FAM120A: variants seen among roughly 807,000 people sequenced by gnomAD.
FAM120A encodes the protein family with sequence similarity 120 member A.
A neutral mutation model predicts 109.7 loss-of-function variants in FAM120A; 15 were observed. That is an observed-to-expected ratio of 0.14 (90% CI 0.09 to 0.21). The LOEUF (loss-of-function observed/expected upper bound fraction) is 0.21. Among genes scored for constraint, FAM120A ranks in the 10% least tolerant of loss-of-function variants. The probability of loss-of-function intolerance (pLI) is 1.00; values close to 1 mark genes in which losing one functional copy is unlikely to be tolerated. For missense variants in FAM120A, 899 were observed against 1,439.3 expected, an observed-to-expected ratio of 0.62 and a Z score of 6.07; for synonymous variants, 493 against 572.8, an observed-to-expected ratio of 0.86 and a Z score of 1.99.
chr9:93,529,408 G>A lies in FAM120A; in HGVS notation c.1562G>A (p.Ser521Asn). 1 of 1,613,790 alleles carries A rather than the reference G, an allele frequency of 6.2e-7. No homozygotes were observed. The highest frequency in any genetic ancestry group is 8.5e-7 in the Non-Finnish European group (1 of 1,179,812). ...AGCCAACTAGCCGAAGGCAAGGGAA[G>A]CCAGATGGGCACTGTCCAGCCAATC... ...SGSQLAEGKGSQMGTVQPIPC... is the reference protein window; with the variant it reads ...SGSQLAEGKGNQMGTVQPIPC... The change falls in exon 9 of 18, where the codon AGC becomes AAC. Residue 521 changes from serine to asparagine, a missense_variant. This residue lies in a region of FAM120A where 57 missense variants were observed against 52.9 expected (regional missense o/e 1.08). Transcript: ENST00000277165.
At chr9:93,489,533 C>G (rs1859219575) in intron 3 of FAM120A, among the ~76,000 whole-genome samples, 1 of 152,224 alleles carries the variant, frequency 6.6e-6, no homozygotes, top group Non-Finnish European at 1.5e-5. Context: ...GTCCTAGGCT[C>G]TAGGCCTGTA....
At chr9:93,558,816 T>C in intron 15 of FAM120A, 98 bp downstream of exon 15, 1 of 1,390,404 alleles carries the variant, frequency 7.2e-7, no homozygotes, top group Non-Finnish European at 9.8e-7. Flanking sequence ...CATGAGCCCC[T>C]CCTCCAGCAG....
At chr9:93,502,463 G>C (rs1743301487) in intron 5 of FAM120A, among the ~76,000 whole-genome samples, 1 of 151,978 alleles carries the variant, frequency 6.6e-6, no homozygotes, top group African/African-American at 2.4e-5. Context: ...CTCATCCTCT[G>C]TGCCTTTCTT....
chr9:93,503,876 AT>A (rs1859913216), intron 5 of FAM120A, among the ~76,000 whole-genome samples: 1 of 152,062 alleles, frequency 6.6e-6, no homozygotes, highest in East Asian at 1.9e-4. Flanking sequence ...GAGCTCGTTG[AT>A]TTGTGCATTT....
chr9:93,514,440 T>TA (rs1205925612), intron 5 of FAM120A, among the ~76,000 whole-genome samples: 1 of 152,256 alleles, frequency 6.6e-6, no homozygotes, highest in Non-Finnish European at 1.5e-5. Context: ...GCTCTGGGCT[T>TA]GGTTTTCTTC....
chr9:93,529,634 C>A, intron 9 of FAM120A, 54 bp downstream of exon 9: 1 of 1,491,320 alleles, frequency 6.7e-7, no homozygotes, highest in Non-Finnish European at 9.3e-7. Context: ...GTGGCCATTC[C>A]TATGGGTGTT....
chr9:93,546,904 G>A (rs1040829041), intron 11 of FAM120A, among the ~76,000 whole-genome samples: 2 of 152,228 alleles, frequency 1.3e-5, no homozygotes, highest in Non-Finnish European at 2.9e-5. Context: ...CACAGAAGGG[G>A]TATGGTGGTC....
chr9:93,563,254 G>A (rs1329254273), intron 17 of FAM120A, among the ~76,000 whole-genome samples: 1 of 152,204 alleles, frequency 6.6e-6, no homozygotes, highest in Admixed American at 6.5e-5. Context: ...CATCTTTGTT[G>A]GGAAGGGAAT....
chr9:93,458,992 T>C (rs1311354481), intron 1 of FAM120A, among the ~76,000 whole-genome samples: 1 of 152,238 alleles, frequency 6.6e-6, no homozygotes, highest in South Asian at 2.1e-4. Flanking sequence ...TGGTCACTAT[T>C]TCCCCAAGAA....
intron 1 of FAM120A, among the ~76,000 whole-genome samples, chr9:93,461,588 AAAT>A (rs762567804): frequency 7.2e-4 from 109 of 152,212 alleles, no homozygotes; most frequent in Non-Finnish European, 1.0e-3. Context: ...TTCTGAATAC[AAAT>A]AATGTGTGTG....
intron 3 of FAM120A, among the ~76,000 whole-genome samples, chr9:93,489,006 G>GT (rs1053491774): frequency 9.3e-6 from 1 of 107,842 alleles, no homozygotes; most frequent in Non-Finnish European, 2.1e-5. Context: ...CCATGTATCT[G>GT]TTAAAAAAAA....
chr9:93,524,734 C>A (rs1434329882), intron 7 of FAM120A, among the ~76,000 whole-genome samples: 1 of 152,170 alleles, frequency 6.6e-6, no homozygotes, highest in Non-Finnish European at 1.5e-5. Context: ...GGGTAGATTC[C>A]TTCTCTCTGA....
chr9:93,532,537 A>G lies in FAM120A; in HGVS notation c.1909+208A>G, dbSNP rs796793034. ...GACTTTCTTCCTCAGTAACATTCCA[A>G]TAATGATGTTTATTCAGTAAAATAA... is the stretch of plus-strand genomic sequence containing the variant. On this transcript the variant is annotated intron_variant, in intron 10 of 17. Coordinates refer to ENST00000277165, the MANE Select transcript of FAM120A (RefSeq NM_014612.5). The surrounding 1 kb of genome is among the most constrained non-coding windows in gnomAD (Gnocchi z 4.3). 4.0e-5 allele frequency: 23 copies of G among 578,872 alleles called. No homozygotes were observed. The East Asian group carries it at 4.9e-4, about 12-fold the overall frequency. The allele number at this position is 578,872 out of a possible 1,614,324, so 35.9% of individuals were successfully genotyped here. A position where few individuals can be genotyped will look rare whatever the true frequency, so the allele number is the denominator to read the frequency against.
chr9:93,558,869 A>G (rs2131566852), intron 15 of FAM120A, 151 bp downstream of exon 15: 1 of 838,230 alleles, frequency 1.2e-6, no homozygotes, highest in Non-Finnish European at 1.8e-6. Context: ...CTCATTGACC[A>G]CTCCTCCTGA....
chr9:93,452,577 C>A lies in FAM120A; in HGVS notation c.474+188C>A. 6.3e-7 allele frequency: 1 copy of A among 1,595,312 alleles called. No homozygotes were observed. On this transcript the variant is annotated intron_variant, in intron 1 of 17. Coordinates refer to ENST00000277165, the MANE Select transcript of FAM120A (RefSeq NM_014612.5). The surrounding 1 kb of genome is among the most constrained non-coding windows in gnomAD (Gnocchi z 7.0). ...GGCCGCGGGTGCAGGCCGCGCGCTG[C>A]CCAAGCCCGTCTCCAGCTGTCCCTG...
chr9:93,497,142 A>T (rs988986471), intron 3 of FAM120A, among the ~76,000 whole-genome samples: 1 of 152,156 alleles, frequency 6.6e-6, no homozygotes, highest in East Asian at 1.9e-4. Flanking sequence ...TTCGCTTGTT[A>T]TGGGTGCAGG....
Position 93,451,688 on chromosome 9 carries a change from G to A in FAM120A, c.-228G>A, listed in dbSNP as rs1158396447. 4 of 977,158 alleles carry A rather than the reference G, an allele frequency of 4.1e-6. No individual in the cohort carries two copies. The highest frequency in any genetic ancestry group is 5.1e-4 in the Middle Eastern group (1 of 1,944). 60.5% of individuals were successfully genotyped at this position (977,158 alleles called of 1,614,324 possible). A position where few individuals can be genotyped will look rare whatever the true frequency, so the allele number is the denominator to read the frequency against. ...GGCCCTCAGCCTCGGCCTCGGCCTCGGCCTCGCAGCGGCGGCAGCGGCGGC... is the reference window on the plus strand; with the variant it reads ...GGCCCTCAGCCTCGGCCTCGGCCTCAGCCTCGCAGCGGCGGCAGCGGCGGC... On this transcript the variant is annotated 5_prime_UTR_variant, in exon 1 of 18. Coordinates refer to ENST00000277165, the MANE Select transcript of FAM120A (RefSeq NM_014612.5).
At chr9:93,493,113 G>A (rs1045245813) in intron 3 of FAM120A, among the ~76,000 whole-genome samples, 2 of 152,204 alleles carry the variant, frequency 1.3e-5, no homozygotes, top group African/African-American at 4.8e-5. Context: ...CTCTCCGGGT[G>A]CTACTGCCTG....
chr9:93,463,707 T>C (rs1368738516), intron 1 of FAM120A, among the ~76,000 whole-genome samples: 2 of 152,222 alleles, frequency 1.3e-5, no homozygotes, highest in Admixed American at 6.5e-5. Flanking sequence ...TTGTTTTATA[T>C]CTTCTAAATC....
Sources: gnomAD v4.1 joint callset for allele counts (sites outside exome capture counted in the v4.1 genomes callset) on GRCh38, gnomAD v4.1.1 for gene constraint, gnomAD v4.1.1 regional missense constraint, Gnocchi (gnomAD v3.1) non-coding constraint, MANE v1.5 for transcripts, NCBI Gene and HGNC (gene_info 2026-07-23, HGNC 2026-07-21) for gene names.